Variants in SMIM23 observed in about 807,000 individuals in gnomAD.
SMIM23 encodes the protein small integral membrane protein 23.
In SMIM23, 10 loss-of-function variants were observed where a neutral mutation model predicts 12.8. That is an observed-to-expected ratio of 0.78 (90% CI 0.48 to 1.32). The LOEUF (loss-of-function observed/expected upper bound fraction) is 1.32. Ranked by LOEUF, SMIM23 falls within the 40% of genes most tolerant of loss-of-function variation. SMIM23 has a pLI of 0.00. For synonymous variants in SMIM23, 78 were observed against 80.1 expected, an observed-to-expected ratio of 0.97 and a Z score of 0.14; for missense variants, 184 against 198.2, an observed-to-expected ratio of 0.93 and a Z score of 0.43.
Position 171,790,782 on chromosome 5 carries a change from G to T in SMIM23, c.226-13G>T. ...AGAAAGCACAGGATGCCACTTCTGTGTCTGCCTTCCAGGGGCTTGAATATC... is the reference window on the plus strand; with the variant it reads ...AGAAAGCACAGGATGCCACTTCTGTTTCTGCCTTCCAGGGGCTTGAATATC... On this transcript the variant is annotated splice_polypyrimidine_tract_variant and intron_variant, in intron 3 of 3. Coordinates refer to ENST00000523047, the MANE Select transcript of SMIM23 (RefSeq NM_001289970.2). 6.5e-7 allele frequency: 1 copy of T among 1,536,114 alleles called. No homozygotes were observed.
At chr5:171,772,982 G>C in the SMIM23 span, among the ~76,000 whole-genome samples, 5 of 152,298 alleles carry the variant, frequency 3.3e-5, no homozygotes, top group East Asian at 9.6e-4. Context: ...TGAAATGCCA[G>C]CAGCGAGTTG....
chr5:171,775,714 G>C, the SMIM23 span, among the ~76,000 whole-genome samples: 1 of 152,168 alleles, frequency 6.6e-6, no homozygotes, highest in Non-Finnish European at 1.5e-5. Flanking sequence ...TTGCTGCGAG[G>C]ATTCTATAAG....
upstream of SMIM23, among the ~76,000 whole-genome samples, chr5:171,778,944 G>A (rs570337003): frequency 2.0e-5 from 3 of 152,180 alleles, no homozygotes; most frequent in African/African-American, 7.2e-5. Flanking sequence ...AATTCAGGAG[G>A]TCCCTCTCTC....
Position 171,790,555 on chromosome 5 carries a change from A to C in SMIM23, c.225+6A>C, listed in dbSNP as rs771931024. The stretch of plus-strand genomic sequence containing the variant: ...AGAATCTTGCAGTTCCCCAGGTAAC[A>C]TGTCCAGCAAGGTACTGAGGTGAGG... On this transcript the variant is annotated splice_donor_region_variant and intron_variant, in intron 3 of 3. Coordinates refer to ENST00000523047, the MANE Select transcript of SMIM23 (RefSeq NM_001289970.2). 53 of 1,536,528 alleles carry C rather than the reference A, an allele frequency of 3.4e-5. 1 individual carries two copies. The Middle Eastern group carries it at 2.5e-3, about 72-fold the overall frequency.
At chr5:171,790,413 A>T in intron 2 of SMIM23, 69 bp from the exon 3 acceptor site, 1 of 1,521,124 alleles carries the variant, frequency 6.6e-7, no homozygotes, top group Non-Finnish European at 8.8e-7. Context: ...TCACACTGGG[A>T]TAACTAACCA....
chr5:171,775,896 A>G, the SMIM23 span, among the ~76,000 whole-genome samples: 1 of 152,120 alleles, frequency 6.6e-6, no homozygotes, highest in African/African-American at 2.4e-5. Flanking sequence ...TTTTGAGACG[A>G]AGTTTCACTC....
In SMIM23 at chr5:171,790,587, G is replaced by T. The variant is rs1755904392; in HGVS notation, c.225+38G>T. 21 of 1,526,398 alleles carry T rather than the reference G, an allele frequency of 1.4e-5. No individual in the cohort carries two copies. The South Asian group carries it at 2.4e-4, about 17-fold the overall frequency. The allele number at this position is 1,526,398 out of a possible 1,614,324, so 94.6% of individuals were successfully genotyped here. A position where few individuals can be genotyped will look rare whatever the true frequency, so the allele number is the denominator to read the frequency against. ...GCAAGGTACTGAGGTGAGGCAATCT[G>T]GGAAGGCTTTCCAGAGGAGGTGTCA... On this transcript the variant is annotated intron_variant, in intron 3 of 3. Coordinates refer to ENST00000523047, the MANE Select transcript of SMIM23 (RefSeq NM_001289970.2).
the SMIM23 span, chr5:171,774,732 G>C: frequency 2.5e-6 from 1 of 397,782 alleles, no homozygotes; most frequent in Non-Finnish European, 5.0e-6. Flanking sequence ...AGCACAACCT[G>C]ACATGCAGCT....
rs1328755449 is a variant in SMIM23 at position 171,790,915 on chromosome 5, C to A, written c.346C>A (p.Gln116Lys). Residue 116 changes from glutamine (Q) to lysine (K), a missense_variant, in exon 4 of 4, where the codon CAG (glutamine) becomes AAG (lysine). Gln to Lys is a moderately conservative substitution (Grantham distance 53, BLOSUM62 1). Transcript: ENST00000523047. ...AGAGGAAGAGGTGCAGCAGCTGGAG[C>A]AGCTAGCGTGGGACCTGGAACTGTG... ...KLEEEVQQLE[Q>K]LAWDLELWLD... 7.2e-6 allele frequency: 11 copies of A among 1,536,124 alleles called. No homozygotes were observed. The highest frequency in any genetic ancestry group is 8.7e-6 in the Non-Finnish European group (10 of 1,146,914).
upstream of SMIM23, among the ~76,000 whole-genome samples, chr5:171,779,057 A>G (rs983992657): frequency 6.6e-6 from 1 of 152,224 alleles, no homozygotes; most frequent in African/African-American, 2.4e-5. Flanking sequence ...TTCGAGGATT[A>G]GGGACAAGCC....
chr5:171,791,025 G>T lies in SMIM23; in HGVS notation c.456G>T (p.Leu152=). ...ACTTGTGGGAGTGGGCCTGGGCCCT[G>T]GGGAGAGAGCACAAAGGTGGGGAGG... ...KSHLWEWAWA[L]GREHKGGEGL... is the part of the protein sequence containing the mutation. The change falls in exon 4 of 4, where the codon CTG becomes CTT. Residue 152 remains leucine (L), a synonymous_variant. Transcript: ENST00000523047. The T allele has an allele frequency of 6.5e-7, 1 of 1,534,020 alleles. No homozygotes were observed. The highest frequency in any genetic ancestry group is 1.2e-5 in the South Asian group (1 of 83,944).
At chr5:171,774,303 G>A in the SMIM23 span, 1 of 412,288 alleles carries the variant, frequency 2.4e-6, no homozygotes, top group South Asian at 1.8e-5. Context: ...TGACATAATG[G>A]CCTGTGAAAT....
chr5:171,790,815 C>A lies in SMIM23; in HGVS notation c.246C>A (p.Asn82Lys), dbSNP rs1199663068. ...AVPQGLEYQT[N>K]EPSEEPIKTI... The stretch of plus-strand genomic sequence containing the variant: ...TCCAGGGGCTTGAATATCAGACCAA[C>A]GAGCCCTCAGAAGAACCGATAAAGA... Residue 82 changes from asparagine to lysine, a missense_variant, in exon 4 of 4, where the codon AAC becomes AAA. Transcript: ENST00000523047. The A allele has an allele frequency of 1.1e-5, 17 of 1,535,950 alleles. No homozygotes were observed. Among genetic ancestry groups the A allele is most frequent in the Non-Finnish European group, 1.5e-5 (17 of 1,146,908 alleles).
At chr5:171,788,668 CTT>C (rs1187894864) in intron 1 of SMIM23, among the ~76,000 whole-genome samples, 2 of 152,132 alleles carry the variant, frequency 1.3e-5, no homozygotes, top group African/African-American at 2.4e-5. Flanking sequence ...AAGAAATAGT[CTT>C]AATAACTACA....
intron 1 of SMIM23, among the ~76,000 whole-genome samples, chr5:171,789,078 G>T (rs1452198053): frequency 1.3e-5 from 2 of 152,366 alleles, no homozygotes; most frequent in Non-Finnish European, 2.9e-5. Context: ...GACCTCAGGT[G>T]ATCACCACGG....
In SMIM23 at chr5:171,790,785, T is replaced by C. The variant is rs1364058539; in HGVS notation, c.226-10T>C. 1 of 1,536,112 alleles carries C rather than the reference T, an allele frequency of 6.5e-7. No individual in the cohort carries two copies. The highest frequency in any genetic ancestry group is 2.0e-5 in the Admixed American group (1 of 50,990). ...AAGCACAGGATGCCACTTCTGTGTC[T>C]GCCTTCCAGGGGCTTGAATATCAGA... On this transcript the variant is annotated splice_polypyrimidine_tract_variant and intron_variant, in intron 3 of 3. Transcript: ENST00000523047.
intron 1 of SMIM23, 26 bp downstream of exon 1, chr5:171,786,002 C>A: frequency 6.6e-7 from 1 of 1,518,838 alleles, no homozygotes; most frequent in Non-Finnish European, 8.8e-7. Context: ...GTACATGCTG[C>A]TTTCCTCCCA....
intron 1 of SMIM23, among the ~76,000 whole-genome samples, chr5:171,786,427 C>T (rs1755818637): frequency 2.0e-5 from 3 of 152,302 alleles, no homozygotes; most frequent in Non-Finnish European, 2.9e-5. Context: ...CACCCCATCT[C>T]TTAGATGCTA....
At chr5:171,790,432 T>G in intron 2 of SMIM23, 50 bp from the exon 3 acceptor site, 1 of 1,530,274 alleles carries the variant, frequency 6.5e-7, no homozygotes, top group Admixed American at 2.0e-5. Flanking sequence ...CATGTTTATT[T>G]CAATTAGTGC....
Sources: gnomAD v4.1 joint callset for allele counts (sites outside exome capture counted in the v4.1 genomes callset) on GRCh38, gnomAD v4.1.1 for gene constraint, MANE v1.5 for transcripts, NCBI Gene and HGNC (gene_info 2026-07-23, HGNC 2026-07-21) for gene names.